The following SRP68 variants were observed in gnomAD, a reference collection of about 807,000 sequenced individuals.
SRP68 encodes signal recognition particle subunit SRP68.
In SRP68, 15 loss-of-function variants were observed where a neutral mutation model predicts 82.2. The ratio of observed to expected loss-of-function variants is 0.18; its 90% CI spans 0.12 to 0.28. SRP68 has a LOEUF of 0.28. Ranked by LOEUF, SRP68 falls within the 10% of genes least tolerant of loss-of-function variation. The probability of loss-of-function intolerance (pLI) is 1.00; values close to 1 mark genes in which losing one functional copy is unlikely to be tolerated. For synonymous variants in SRP68, 261 were observed against 292.6 expected (o/e 0.89, Z 1.10); for missense variants, 595 against 780.5 (o/e 0.76, Z 2.83).
At chr17:76,055,555 A>G (rs1357781459) in intron 8 of SRP68, among the ~76,000 whole-genome samples, 1 of 151,404 alleles carries the variant, frequency 6.6e-6, no homozygotes, top group Non-Finnish European at 1.5e-5. Flanking sequence ...GGAGTTTGAG[A>G]CCATCCTGGC....
chr17:76,057,303 T>C, intron 8 of SRP68, 100 bp downstream of exon 8: 1 of 1,457,548 alleles, frequency 6.9e-7, no homozygotes, highest in Non-Finnish European at 9.5e-7. Flanking sequence ...TAAAAGTTTG[T>C]TTTATGAGAA....
intron 10 of SRP68, among the ~76,000 whole-genome samples, chr17:76,046,901 A>G (rs1426861325): frequency 6.6e-6 from 1 of 152,190 alleles, no homozygotes; most frequent in Non-Finnish European, 1.5e-5. Context: ...AGATTGCGCC[A>G]CTGCACTCCA....
In SRP68 at chr17:76,072,414, A is replaced by ACCG. The variant is rs1401128576; in HGVS notation, c.75_77dup (p.Gly26dup). On this transcript the variant is annotated inframe_insertion, in exon 1 of 16. Transcript: ENST00000307877. The surrounding 1 kb of genome is among the most constrained non-coding windows in gnomAD (Gnocchi z 4.5). ...CTCCGGCACCACGTCCACCGCCGCT[A>ACCG]CCGCCGCCGCCACTGCCACCGCCGC... 18 of 1,580,614 alleles carry ACCG rather than the reference A, an allele frequency of 1.1e-5. No homozygotes were observed. In the African/African-American group the frequency reaches 1.2e-4, roughly 11 times the overall value.
At chr17:76,057,142 C>T (rs1485432558) in intron 8 of SRP68, among the ~76,000 whole-genome samples, 1 of 152,212 alleles carries the variant, frequency 6.6e-6, no homozygotes, top group East Asian at 1.9e-4. Flanking sequence ...TACTTTAAGC[C>T]AGCCTCTAAT....
chr17:76,062,608 T>TTATATAATATACATTATATAA (rs2066766186), intron 4 of SRP68, among the ~76,000 whole-genome samples: 1 of 66,432 alleles, frequency 1.5e-5, no homozygotes, highest in Non-Finnish European at 2.5e-5. Context: ...ACATTATATA[T>TTATATAATATACATTATATAA]TATATAATAT....
At chr17:76,042,844 C>T (rs1008182073) in intron 13 of SRP68, among the ~76,000 whole-genome samples, 43 of 152,172 alleles carry the variant, frequency 2.8e-4, no homozygotes, top group Non-Finnish European at 1.2e-4. Context: ...CTCAGCTTCC[C>T]AAACTGCTGG....
chr17:76,060,421 G>T, intron 6 of SRP68, 31 bp from the exon 7 acceptor site: 2 of 1,549,534 alleles, frequency 1.3e-6, no homozygotes, highest in Non-Finnish European at 1.8e-6. Context: ...AATCTTCAAG[G>T]GTCTGGTCTG....
intron 6 of SRP68, 28 bp downstream of exon 6, chr17:76,061,082 A>C: frequency 7.3e-7 from 1 of 1,361,734 alleles, no homozygotes; most frequent in Non-Finnish European, 1.0e-6. Context: ...GTTCAAGTTG[A>C]GTATAATGCC....
chr17:76,051,362 G>A (rs1034605517), intron 8 of SRP68, among the ~76,000 whole-genome samples: 2 of 152,224 alleles, frequency 1.3e-5, no homozygotes, highest in Non-Finnish European at 2.9e-5. Flanking sequence ...GGATGAACCT[G>A]TGTGACTGGC....
intron 14 of SRP68, 69 bp from the exon 15 acceptor site, chr17:76,040,543 A>G (rs2066581709): frequency 6.7e-7 from 1 of 1,495,544 alleles, no homozygotes; most frequent in Non-Finnish European, 9.3e-7. Flanking sequence ...AATGAGGCCT[A>G]TCACACAGGT....
intron 7 of SRP68, among the ~76,000 whole-genome samples, chr17:76,058,281 C>A (rs1227197031): frequency 1.3e-5 from 2 of 151,974 alleles, no homozygotes; most frequent in African/African-American, 4.8e-5. Context: ...ACCACCACAT[C>A]CAGCTAATTT....
At chr17:76,061,277 G>C in intron 5 of SRP68, 58 bp from the exon 6 acceptor site, 1 of 1,235,072 alleles carries the variant, frequency 8.1e-7, no homozygotes, top group Non-Finnish European at 1.2e-6. Context: ...AACTCATGGG[G>C]AACACAGTGA....
chr17:76,072,058 G>A lies in SRP68; in HGVS notation c.184+250C>T. ...ACTGGACAACTGCGGGGCACCAGGG[G>A]AAACCTGCCTGATATCCCAGTGCCA... On this transcript the variant is annotated intron_variant, in intron 1 of 15. Transcript: ENST00000307877. This position sits in a 1 kb window ranked among gnomAD's most constrained non-coding sequence, Gnocchi z 4.5. 3.0e-6 allele frequency: 2 copies of A among 662,114 alleles called. No homozygotes were observed. Among genetic ancestry groups the A allele is most frequent in the South Asian group, 2.0e-5 (1 of 50,172 alleles). The allele number at this position is 662,114 out of a possible 1,614,324, so 41.0% of individuals were successfully genotyped here.
chr17:76,046,465 G>GAAAAAAAAAAAAAAAA (rs745410222), intron 10 of SRP68, among the ~76,000 whole-genome samples: 1 of 71,282 alleles, frequency 1.4e-5, no homozygotes, highest in Non-Finnish European at 2.3e-5. Flanking sequence ...CCACACAGTG[G>GAAAAAAAAAAAAAAAA]AAAAAAAAAA....
rs1236338429 is a variant in SRP68, at chr17:76,072,149, C to G, written c.184+159G>C. The G allele has an allele frequency of 8.1e-7, 1 of 1,230,488 alleles. No homozygotes were observed. Among genetic ancestry groups the G allele is most frequent in the African/African-American group, 2.5e-5 (1 of 40,270 alleles). 76.2% of individuals were successfully genotyped at this position (1,230,488 alleles called of 1,614,324 possible). ...GAGGAAAGACTAGTCGAGAGACAGA[C>G]CCCCCCCGGAATTCTGAGCACCAAA... On this transcript the variant is annotated intron_variant, in intron 1 of 15. Coordinates refer to ENST00000307877, the MANE Select transcript of SRP68 (RefSeq NM_014230.4). This position sits in a 1 kb window ranked among gnomAD's most constrained non-coding sequence, Gnocchi z 4.5.
chr17:76,072,080 G>A lies in SRP68; in HGVS notation c.184+228C>T, dbSNP rs556628969. 1 of 778,544 alleles carries A rather than the reference G, an allele frequency of 1.3e-6. No homozygotes were observed. The highest frequency in any genetic ancestry group is 3.2e-5 in the Admixed American group (1 of 31,086). 48.2% of individuals were successfully genotyped at this position (778,544 alleles called of 1,614,324 possible). ...GGGGAAACCTGCCTGATATCCCAGT[G>A]CCACTGGAAGAAACGGACCTAGCCA... On this transcript the variant is annotated intron_variant, in intron 1 of 15. Transcript: ENST00000307877. This position sits in a 1 kb window ranked among gnomAD's most constrained non-coding sequence, Gnocchi z 4.5.
At chr17:76,059,472 G>A (rs1905701729) in intron 7 of SRP68, among the ~76,000 whole-genome samples, 1 of 152,052 alleles carries the variant, frequency 6.6e-6, no homozygotes, top group Non-Finnish European at 1.5e-5. Flanking sequence ...AACCTGGGAG[G>A]TGGAGGTTGC....
chr17:76,040,438 G>A lies in SRP68; in HGVS notation c.1637C>T (p.Ser546Phe). 6.2e-7 allele frequency: 1 copy of A among 1,613,970 alleles called. No homozygotes were observed. The highest frequency in any genetic ancestry group is 8.5e-7 in the Non-Finnish European group (1 of 1,179,850). The change falls in exon 15 of 16, where the codon TCC becomes TTC. Residue 546 changes from serine to phenylalanine, a missense_variant. By Grantham distance (155) the Ser-to-Phe change is radical. Transcript: ENST00000307877. ...NDAHQTETSS[S>F]QVKDNKPLVE... ...ACTTACCTTATTGTCCTTGACTTGGGAGGAGGAGGTCTCTGTTTGATGAGC... is the reference window on the plus strand; with the variant it reads ...ACTTACCTTATTGTCCTTGACTTGGAAGGAGGAGGTCTCTGTTTGATGAGC...
In SRP68 at chr17:76,050,494, A is replaced by C; in HGVS notation, c.1011T>G (p.Phe337Leu). 1.9e-6 allele frequency: 3 copies of C among 1,613,664 alleles called. No individual in the cohort carries two copies. Among genetic ancestry groups the C allele is most frequent in the Non-Finnish European group, 2.5e-6 (3 of 1,179,856 alleles). Residue 337 changes from phenylalanine to leucine, a missense_variant, in exon 9 of 16, where the codon TTT (phenylalanine) becomes TTG (leucine). Physicochemically the swap from Phe to Leu is conservative, Grantham distance 22. Coordinates refer to ENST00000307877, the MANE Select transcript of SRP68 (RefSeq NM_014230.4). Reference protein sequence around the residue: ...AESEETKERLFESMLSECRDA... With the variant: ...AESEETKERLLESMLSECRDA... The stretch of plus-strand genomic sequence containing the variant: ...CCCGACACTCGCTGAGCATTGATTC[A>C]AACAGGCGCTCCTTAGTTTCTTCGC...
Sources: allele counts gnomAD v4.1 joint callset (sites outside exome capture counted in the v4.1 genomes callset), GRCh38; gene constraint gnomAD v4.1.1; non-coding constraint Gnocchi (gnomAD v3.1); transcripts MANE v1.5; gene names NCBI Gene and HGNC (gene_info 2026-07-23, HGNC 2026-07-21).